ABCB8: variants seen among roughly 807,000 people sequenced by gnomAD.
ABCB8 encodes mitochondrial potassium channel ATP-binding subunit.
A neutral mutation model predicts 73.0 loss-of-function variants in ABCB8; 52 were observed. That is an observed-to-expected ratio of 0.71 (90% CI 0.57 to 0.90). The LOEUF is 0.90. Ranked by LOEUF, ABCB8 falls within the 40% of genes least tolerant of loss-of-function variation. The probability of loss-of-function intolerance (pLI) is 0.00; values close to 1 mark genes in which losing one functional copy is unlikely to be tolerated. For synonymous variants in ABCB8, 428 were observed against 423.5 expected (o/e 1.01, Z -0.13); for missense variants, 909 against 974.6 (o/e 0.93, Z 0.90).
intron 14 of ABCB8, among the ~76,000 whole-genome samples, 176 bp downstream of exon 14, chr7:151,042,284 A>G (rs1254791135): frequency 6.6e-6 from 1 of 152,192 alleles, no homozygotes; most frequent in African/African-American, 2.4e-5. Context: ...GTGTGGGGAC[A>G]GGGGAGTCCA....
chr7:151,031,304 A>G (rs571515337), intron 1 of ABCB8: 21 of 1,544,982 alleles, frequency 1.4e-5, no homozygotes, highest in African/African-American at 2.7e-5. Flanking sequence ...AAGCGTCTCT[A>G]TCTTTCTAAT....
chr7:151,035,986 G>A lies in ABCB8; in HGVS notation c.1013+19G>A. ...AAGAGGAGTGAGTCCTGGGAGGGCG[G>A]AGCACAAAGCAGAGATGCCCCCCAC... On this transcript the variant is annotated intron_variant, in intron 7 of 15. Coordinates refer to ENST00000358849, the MANE Select transcript of ABCB8 (RefSeq NM_007188.5). 6.2e-7 allele frequency: 1 copy of A among 1,613,608 alleles called. No homozygotes were observed. Among genetic ancestry groups the A allele is most frequent in the Non-Finnish European group, 8.5e-7 (1 of 1,179,986 alleles).
In ABCB8 at chr7:151,034,841, A is replaced by C. The variant is rs769803225; in HGVS notation, c.765+12A>C. 7.3e-5 allele frequency: 117 copies of C among 1,605,838 alleles called. No homozygotes were observed. Among genetic ancestry groups the C allele is most frequent in the South Asian group, 1.3e-4 (12 of 90,642 alleles). ...TTGTCATCTCCCAGGTCAGTGGCCCAGTGGCCCCCACCACGTCCACACACA... is the reference window on the plus strand; with the variant it reads ...TTGTCATCTCCCAGGTCAGTGGCCCCGTGGCCCCCACCACGTCCACACACA... On this transcript the variant is annotated intron_variant, in intron 5 of 15. Coordinates refer to ENST00000358849, the MANE Select transcript of ABCB8 (RefSeq NM_007188.5).
Position 151,033,633 on chromosome 7 carries a change from C to T in ABCB8, c.124C>T (p.Leu42Phe), listed in dbSNP as rs755543729. The change falls in exon 2 of 16, where the codon CTC becomes TTC. Residue 42 changes from leucine to phenylalanine, a missense_variant. Leu to Phe is a conservative substitution (Grantham distance 22, BLOSUM62 0). Transcript: ENST00000358849. ...CTCTGATGGCTACCGCAGCTCCTCC[C>T]TCCTCCGGGCCGTGGCCCACCTGCG... ...RYSDGYRSSS[L>F]LRAVAHLRSQ... The T allele has an allele frequency of 6.3e-7, 1 of 1,592,644 alleles. No homozygotes were observed. Among genetic ancestry groups the T allele is most frequent in the African/African-American group, 1.3e-5 (1 of 74,520 alleles).
intron 9 of ABCB8, chr7:151,037,150 T>C (rs1170530592): frequency 2.8e-6 from 2 of 702,826 alleles, no homozygotes; most frequent in Non-Finnish European, 5.2e-6. Flanking sequence ...TTTCTGTCCT[T>C]ATGATTTGAC....
rs780298558 is a variant in ABCB8, at chr7:151,033,836, T to A, written c.327T>A (p.His109Gln). 1.2e-6 allele frequency: 2 copies of A among 1,613,872 alleles called. No homozygotes were observed. The highest frequency in any genetic ancestry group is 4.5e-5 in the East Asian group (2 of 44,874). ...EEAPPASSTP[H>Q]VVGSRFNWKL... Reference sequence around the variant, plus strand: ...CCCCTCCTGCCAGCTCCACACCCCATGTCGTGGGGTCTCGCTTTAACTGGA... The same window carrying A: ...CCCCTCCTGCCAGCTCCACACCCCAAGTCGTGGGGTCTCGCTTTAACTGGA... The change falls in exon 2 of 16, where the codon CAT becomes CAA. Residue 109 changes from histidine (H) to glutamine (Q), a missense_variant. Transcript: ENST00000358849.
In ABCB8 at chr7:151,029,162, T is replaced by C. The variant is rs539973284; in HGVS notation, c.95+552T>C. The C allele has an allele frequency of 1.0e-5, 3 of 293,754 alleles. No individual in the cohort carries two copies. The East Asian group carries it at 3.7e-4, about 37-fold the overall frequency. 18.2% of individuals were successfully genotyped at this position (293,754 alleles called of 1,614,324 possible). The stretch of plus-strand genomic sequence containing the variant: ...TAAAAAATACAAAAATTTGCCGTGA[T>C]TGGTGGCACGCGCCTGTAATTCCAA... On this transcript the variant is annotated intron_variant, in intron 1 of 15. Coordinates refer to ENST00000358849, the MANE Select transcript of ABCB8 (RefSeq NM_007188.5).
chr7:151,031,802 T>C (rs1020820121), intron 1 of ABCB8, among the ~76,000 whole-genome samples: 2 of 152,172 alleles, frequency 1.3e-5, no homozygotes, highest in Non-Finnish European at 2.9e-5. Flanking sequence ...AGCTAATTTT[T>C]AGTAGAGACA....
intron 1 of ABCB8, 142 bp from the exon 2 acceptor site, chr7:151,033,463 C>T: frequency 7.0e-7 from 1 of 1,428,672 alleles, no homozygotes; most frequent in Non-Finnish European, 9.2e-7. Flanking sequence ...TGCTTCAGAA[C>T]AGCCCTGAGA....
intron 5 of ABCB8, 59 bp from the exon 6 acceptor site, chr7:151,035,522 A>T (rs1005537406): frequency 6.6e-7 from 1 of 1,524,336 alleles, no homozygotes; most frequent in African/African-American, 1.4e-5. Context: ...ACCCTTGGAA[A>T]AGTCCTTCCT....
rs555166295 is a variant in ABCB8, at chr7:151,045,583, T to C, written c.*234T>C. On this transcript the variant is annotated 3_prime_UTR_variant, in exon 16 of 16. Transcript: ENST00000358849. Reference sequence around the variant, plus strand: ...CTCCCACCAGAGTCTGCCAGAGTCATTGGGCTGCAATGGGCAGAGACAGAG... The same window carrying C: ...CTCCCACCAGAGTCTGCCAGAGTCACTGGGCTGCAATGGGCAGAGACAGAG... The C allele has an allele frequency of 4.5e-5, 21 of 464,208 alleles. No individual in the cohort carries two copies. The highest frequency in any genetic ancestry group is 2.3e-4 in the African/African-American group (11 of 48,372). The allele number at this position is 464,208 out of a possible 1,614,324, so 28.8% of individuals were successfully genotyped here.
At chr7:151,031,411 G>A (rs1294018475) in intron 1 of ABCB8, 6 of 1,320,220 alleles carry the variant, frequency 4.5e-6, no homozygotes, top group Non-Finnish European at 5.1e-6. Context: ...AGGCCTTCCT[G>A]AAAGCAGGGG....
intron 2 of ABCB8, 30 bp from the exon 3 acceptor site, chr7:151,034,243 A>G (rs772883291): frequency 6.3e-7 from 1 of 1,591,250 alleles, no homozygotes; most frequent in Non-Finnish European, 8.6e-7. Context: ...CCCACTTAAA[A>G]CATTTGTGCC....
intron 9 of ABCB8, chr7:151,038,318 C>G (rs755551444): frequency 6.6e-6 from 1 of 152,168 alleles, no homozygotes; most frequent in South Asian, 2.1e-4. Context: ...GTTAAGAGAT[C>G]GAGACCATCC....
rs1796412692 is a variant in ABCB8 at position 151,040,051 on chromosome 7, A to G, written c.1218-217A>G. 7.2e-6 allele frequency: 4 copies of G among 558,378 alleles called. No homozygotes were observed. In the East Asian group the frequency reaches 9.5e-5, roughly 13 times the overall value. The allele number at this position is 558,378 out of a possible 1,614,324, so 34.6% of individuals were successfully genotyped here. A position where few individuals can be genotyped will look rare whatever the true frequency, so the allele number is the denominator to read the frequency against. On this transcript the variant is annotated intron_variant, in intron 9 of 15. Coordinates refer to ENST00000358849, the MANE Select transcript of ABCB8 (RefSeq NM_007188.5). ...CCAGGGGCTTGGGCTGAGCTGAGGG[A>G]CAGCTGTCATCCTCATCTGGCCAAG...
chr7:151,037,014 T>TC, intron 9 of ABCB8: 1 of 687,130 alleles, frequency 1.5e-6, no homozygotes, highest in Non-Finnish European at 2.7e-6. Flanking sequence ...GTGGGTGCAC[T>TC]CACATTGCTG....
In ABCB8 at chr7:151,034,399, A is replaced by C. The variant is rs755052856; in HGVS notation, c.535A>C (p.Thr179Pro). Reference sequence around the variant, plus strand: ...CATGACTGAGTCCCAGAATCTCAGCACCCACCTGCTTATCCTCTATGGTGT... The same window carrying C: ...CATGACTGAGTCCCAGAATCTCAGCCCCCACCTGCTTATCCTCTATGGTGT... ...SFMTESQNLS[T>P]HLLILYGVQG... The change falls in exon 3 of 16, where the codon ACC becomes CCC. Residue 179 changes from threonine (T) to proline (P), a missense_variant. Transcript: ENST00000358849. 41 of 1,613,826 alleles carry C rather than the reference A, an allele frequency of 2.5e-5. No homozygotes were observed.
chr7:151,035,880 A>G lies in ABCB8; in HGVS notation c.928-2A>G. On this transcript the variant is annotated splice_acceptor_variant, in intron 6 of 15. Coordinates refer to ENST00000358849, the MANE Select transcript of ABCB8 (RefSeq NM_007188.5). LOFTEE classifies it high-confidence loss of function. ...TTGTCCTGTTTCCTGGACTCCTTGC[A>G]GATCGCCAGGGCAATGGGCGTAGCA... 1.9e-6 allele frequency: 3 copies of G among 1,613,096 alleles called. No individual in the cohort carries two copies. The highest frequency in any genetic ancestry group is 2.5e-6 in the Non-Finnish European group (3 of 1,180,006).
chr7:151,044,050 G>T lies in ABCB8; in HGVS notation c.1845G>T (p.Val615=). 6.2e-7 allele frequency: 1 copy of T among 1,613,516 alleles called. No homozygotes were observed. The highest frequency in any genetic ancestry group is 8.5e-7 in the Non-Finnish European group (1 of 1,179,936). ...IARALIKQPT[V]LILDEATSAL... The stretch of plus-strand genomic sequence containing the variant: ...GAGCCCTTATCAAGCAGCCCACGGT[G>T]CTGATACTGGATGAAGCTACCAGCG... Residue 615 remains valine (V), a synonymous_variant, in exon 15 of 16, where the codon GTG becomes GTT. Coordinates refer to ENST00000358849, the MANE Select transcript of ABCB8 (RefSeq NM_007188.5).
Sources: gnomAD v4.1 joint callset for allele counts (sites outside exome capture counted in the v4.1 genomes callset) on GRCh38, gnomAD v4.1.1 for gene constraint, MANE v1.5 for transcripts, NCBI Gene and HGNC (gene_info 2026-07-23, HGNC 2026-07-21) for gene names.